The following KCNMA1 variants were observed in gnomAD, a reference collection of about 807,000 sequenced individuals.
KCNMA1 encodes potassium calcium-activated channel subfamily M alpha 1.
KCNMA1 carries 29 observed loss-of-function variants against 140.0 expected under a neutral mutation model. The ratio of observed to expected loss-of-function variants is 0.21; its 90% confidence interval spans 0.15 to 0.28. The LOEUF (loss-of-function observed/expected upper bound fraction) is 0.28, where lower values mean the gene tolerates loss of function less well. Among genes scored for constraint, KCNMA1 ranks in the 10% least tolerant of loss-of-function variants. The pLI is 1.00. For synonymous variants in KCNMA1, 612 were observed against 611.9 expected (o/e 1.00, Z 0.00); for missense variants, 880 against 1,602.2 (o/e 0.55, Z 7.70).
intron 1 of KCNMA1, among the ~76,000 whole-genome samples, chr10:77,625,300 G>A (rs1182516896): frequency 1.3e-5 from 2 of 152,060 alleles, no homozygotes; most frequent in Non-Finnish European, 2.9e-5. Flanking sequence ...AGAATGGCTT[G>A]AACCTGGGAG....
At chr10:77,350,460 T>A (rs1323325301) in intron 2 of KCNMA1, 3 of 152,086 alleles carry the variant, frequency 2.0e-5, no homozygotes, top group Non-Finnish European at 4.4e-5. Flanking sequence ...CAGTTGGAGT[T>A]CAGAATAGGC....
chr10:77,176,828 T>C (rs1418322148), intron 5 of KCNMA1, among the ~76,000 whole-genome samples: 1 of 152,198 alleles, frequency 6.6e-6, no homozygotes, highest in Non-Finnish European at 1.5e-5. Context: ...AATATGGTCA[T>C]CTACATGCCA....
At chr10:77,533,436 G>C (rs2058159634) in intron 1 of KCNMA1, among the ~76,000 whole-genome samples, 1 of 152,172 alleles carries the variant, frequency 6.6e-6, no homozygotes, top group Non-Finnish European at 1.5e-5. Flanking sequence ...GAACTTGTCT[G>C]CTTCATTTGC....
chr10:77,499,403 GTA>G (rs71028280), intron 1 of KCNMA1, among the ~76,000 whole-genome samples: 54,361 of 141,986 alleles, frequency 0.38, 10,391 homozygotes, highest in East Asian at 0.63. Context: ...CAGTAGGCAT[GTA>G]TATATATATA....
At chr10:77,117,123 T>C (rs1028935146) in intron 6 of KCNMA1, among the ~76,000 whole-genome samples, 18 of 152,214 alleles carry the variant, frequency 1.2e-4, no homozygotes, top group African/African-American at 4.3e-4. Context: ...CATGGAATGC[T>C]ATGTGAGAAA....
chr10:77,223,325 A>T (rs2050288936), intron 3 of KCNMA1, among the ~76,000 whole-genome samples: 1 of 151,376 alleles, frequency 6.6e-6, no homozygotes, highest in Admixed American at 6.6e-5. Context: ...TTGGCTTTTC[A>T]GATGACATTA....
intron 6 of KCNMA1, among the ~76,000 whole-genome samples, chr10:77,115,615 A>G (rs2097440327): frequency 6.6e-6 from 1 of 152,208 alleles, no homozygotes; most frequent in African/African-American, 2.4e-5. Flanking sequence ...CTCTTGAGAT[A>G]TTAAACCTAT....
chr10:77,432,743 C>T (rs971201702), intron 1 of KCNMA1, among the ~76,000 whole-genome samples: 4 of 152,058 alleles, frequency 2.6e-5, no homozygotes, highest in Admixed American at 1.3e-4. Flanking sequence ...ACTCTGGTCC[C>T]ACTCAAAAAA....
chr10:76,991,097 T>A (rs1377851590), intron 19 of KCNMA1, among the ~76,000 whole-genome samples: 1 of 152,238 alleles, frequency 6.6e-6, no homozygotes, highest in East Asian at 1.9e-4. Flanking sequence ...GGCAGGTTGA[T>A]GTGCCCACCT....
At chr10:77,094,295 C>T (rs1032034760) in intron 9 of KCNMA1, among the ~76,000 whole-genome samples, 3 of 152,114 alleles carry the variant, frequency 2.0e-5, no homozygotes, top group African/African-American at 7.2e-5. Flanking sequence ...AGTGACTTGC[C>T]CAGGATGCAA....
chr10:77,518,626 G>A (rs945174797), intron 1 of KCNMA1, among the ~76,000 whole-genome samples: 51 of 152,320 alleles, frequency 3.3e-4, no homozygotes, highest in African/African-American at 1.1e-3. Flanking sequence ...AAGGGAGGAG[G>A]CCTGGGTGTG....
chr10:76,967,261 G>A (rs1445266902), intron 20 of KCNMA1, among the ~76,000 whole-genome samples: 3 of 152,132 alleles, frequency 2.0e-5, no homozygotes, highest in Admixed American at 6.5e-5. Flanking sequence ...AACTCATGTC[G>A]AAAAATCCAC....
intron 25 of KCNMA1, chr10:76,904,196 AG>A (rs1378045258): frequency 6.6e-6 from 1 of 152,228 alleles, no homozygotes; most frequent in Non-Finnish European, 1.5e-5. Context: ...AAAATGTGCA[AG>A]GGCTGCCGGT....
At chr10:77,031,023 C>A (rs1156882318) in intron 15 of KCNMA1, among the ~76,000 whole-genome samples, 1 of 152,166 alleles carries the variant, frequency 6.6e-6, no homozygotes, top group African/African-American at 2.4e-5. Context: ...TCTTGCCCTT[C>A]CTATGCAGAT....
chr10:77,383,409 G>A (rs981628167), intron 2 of KCNMA1, among the ~76,000 whole-genome samples: 20 of 72,722 alleles, frequency 2.8e-4, no homozygotes, highest in African/African-American at 9.4e-4. Context: ...GCTTAACCTC[G>A]AGATTTTTTT....
chr10:77,296,911 G>T (rs1216708649), intron 2 of KCNMA1, among the ~76,000 whole-genome samples: 111 of 148,270 alleles, frequency 7.5e-4, no homozygotes, highest in Non-Finnish European at 1.7e-4. Context: ...GGGTGTGTGG[G>T]CGGGGGGGCG....
At chr10:77,196,404 T>C (rs2040493738) in intron 3 of KCNMA1, among the ~76,000 whole-genome samples, 1 of 152,178 alleles carries the variant, frequency 6.6e-6, no homozygotes. Context: ...AGTGAGAATA[T>C]GCCAACGTGC....
chr10:76,912,521 G>C (rs1168288727), intron 24 of KCNMA1: 2 of 152,180 alleles, frequency 1.3e-5, no homozygotes, highest in Non-Finnish European at 1.5e-5. Flanking sequence ...TAGAGAAATA[G>C]GTTTCAAGGC....
At chr10:76,971,974 G>GGGGTGTGTGT (rs1555020887) in intron 19 of KCNMA1, among the ~76,000 whole-genome samples, 1 of 148,796 alleles carries the variant, frequency 6.7e-6, no homozygotes, top group Non-Finnish European at 1.5e-5. Flanking sequence ...AGGGTGTGTG[G>GGGGTGTGTGT]GTGTGTGTGT....
Sources: allele counts gnomAD v4.1 joint callset (sites outside exome capture counted in the v4.1 genomes callset), GRCh38; gene constraint gnomAD v4.1.1; transcripts MANE v1.5; gene names NCBI Gene and HGNC (gene_info 2026-07-23, HGNC 2026-07-21).